The following PTPRD variants were observed in gnomAD, a reference collection of about 807,000 sequenced individuals.
PTPRD encodes the protein receptor-type tyrosine-protein phosphatase delta.
Under a neutral mutation model 214.5 loss-of-function variants are expected in PTPRD, and 34 were observed. That is an observed-to-expected ratio of 0.16 (90% CI 0.12 to 0.21). PTPRD has a LOEUF of 0.21. Ranked by LOEUF, PTPRD falls within the 10% of genes least tolerant of loss-of-function variation. The probability of loss-of-function intolerance (pLI) is 1.00; values close to 1 mark genes in which losing one functional copy is unlikely to be tolerated. For synonymous variants in PTPRD, 1,128 were observed against 845.7 expected, an observed-to-expected ratio of 1.33 and a Z score of -5.79; for missense variants, 2,545 against 2,398.7, an observed-to-expected ratio of 1.06 and a Z score of -1.27.
chr9:9,402,966 GAAAAAA>G (rs1555359331), intron 8 of PTPRD, among the ~76,000 whole-genome samples: 4 of 78,598 alleles, frequency 5.1e-5, no homozygotes, highest in Admixed American at 1.8e-4. Context: ...CTAATAGGGA[GAAAAAA>G]AAAAAAAAAA....
chr9:10,448,752 T>A (rs2045450181), intron 2 of PTPRD, among the ~76,000 whole-genome samples: 2 of 152,094 alleles, frequency 1.3e-5, no homozygotes, highest in African/African-American at 4.8e-5. Flanking sequence ...AGAGTCTTTA[T>A]CTGTTCTCCC....
At chr9:8,355,265 G>T (rs902654081) in intron 39 of PTPRD, among the ~76,000 whole-genome samples, 1 of 152,096 alleles carries the variant, frequency 6.6e-6, no homozygotes, top group Non-Finnish European at 1.5e-5. Context: ...ACTTCCTGGG[G>T]CCCTCAACAG....
chr9:8,790,466 G>T (rs1036129519), intron 11 of PTPRD, among the ~76,000 whole-genome samples: 1 of 152,010 alleles, frequency 6.6e-6, no homozygotes, highest in African/African-American at 2.4e-5. Context: ...TGCCCAGGCT[G>T]TAGTGCAGTG....
chr9:9,826,557 C>A (rs377659164), intron 5 of PTPRD, among the ~76,000 whole-genome samples: 1 of 151,808 alleles, frequency 6.6e-6, no homozygotes, highest in Non-Finnish European at 1.5e-5. Flanking sequence ...CCTCAAATAG[C>A]CATTATTGAT....
chr9:8,464,664 G>C (rs1427031775), intron 32 of PTPRD, among the ~76,000 whole-genome samples: 7 of 151,202 alleles, frequency 4.6e-5, no homozygotes, highest in South Asian at 2.1e-4. Flanking sequence ...AAATGTTCAT[G>C]TGTACTGCCA....
intron 9 of PTPRD, among the ~76,000 whole-genome samples, chr9:9,381,441 G>C (rs2062209070): frequency 6.8e-6 from 1 of 147,712 alleles, no homozygotes; most frequent in South Asian, 2.1e-4. Flanking sequence ...GCTCACTGCA[G>C]TCTTGACCTC....
intron 14 of PTPRD, among the ~76,000 whole-genome samples, chr9:8,630,165 G>GA (rs1281597212): frequency 2.0e-5 from 3 of 151,812 alleles, no homozygotes; most frequent in Non-Finnish European, 4.4e-5. Context: ...AAAGCAGGGA[G>GA]AAAGTAAATG....
At chr9:8,342,924 A>G (rs930131528) in intron 39 of PTPRD, among the ~76,000 whole-genome samples, 9 of 152,154 alleles carry the variant, frequency 5.9e-5, no homozygotes, top group African/African-American at 2.2e-4. Context: ...AGGAAGGATG[A>G]GGAATTAAAG....
At chr9:8,654,466 T>C (rs1258285015) in intron 12 of PTPRD, among the ~76,000 whole-genome samples, 4 of 152,176 alleles carry the variant, frequency 2.6e-5, no homozygotes, top group Non-Finnish European at 5.9e-5. Context: ...GATTTAAGCA[T>C]ATACCCTGTA....
At chr9:8,683,368 T>C (rs1189869835) in intron 12 of PTPRD, among the ~76,000 whole-genome samples, 2 of 147,774 alleles carry the variant, frequency 1.4e-5, no homozygotes, top group Non-Finnish European at 3.0e-5. Context: ...CTCTCTTTCA[T>C]GGAGACACTC....
intron 2 of PTPRD, among the ~76,000 whole-genome samples, chr9:10,407,982 T>C (rs551883149): frequency 8.4e-4 from 127 of 151,674 alleles, no homozygotes; most frequent in African/African-American, 2.9e-3. Context: ...TCTAATATGT[T>C]ACATGTAAGA....
chr9:9,861,350 GCGCC>G (rs1369270528), intron 5 of PTPRD, among the ~76,000 whole-genome samples: 22 of 152,006 alleles, frequency 1.4e-4, no homozygotes, highest in African/African-American at 5.3e-4. Context: ...GAGTGCATTG[GCGCC>G]ATCTCGGCTC....
At chr9:8,782,808 C>A (rs915459040) in intron 11 of PTPRD, among the ~76,000 whole-genome samples, 6 of 152,010 alleles carry the variant, frequency 3.9e-5, no homozygotes, top group Non-Finnish European at 5.9e-5. Flanking sequence ...GTTGGTCAGG[C>A]TGGTCTCGAA....
chr9:10,178,466 A>G (rs2099262256), intron 3 of PTPRD, among the ~76,000 whole-genome samples: 1 of 151,966 alleles, frequency 6.6e-6, no homozygotes, highest in Admixed American at 6.6e-5. Flanking sequence ...AATTTGTAGG[A>G]AAGGATAAAA....
At chr9:10,181,942 T>TAAAAAAAAAAAAAAAA (rs3075573) in intron 3 of PTPRD, among the ~76,000 whole-genome samples, 2 of 38,512 alleles carry the variant, frequency 5.2e-5, no homozygotes, top group Non-Finnish European at 1.1e-4. Flanking sequence ...TCATAAATAC[T>TAAAAAAAAAAAAAAAA]AAAAAAAAAA....
intron 12 of PTPRD, among the ~76,000 whole-genome samples, chr9:8,719,767 C>T (rs1229314885): frequency 6.6e-6 from 1 of 151,398 alleles, no homozygotes; most frequent in African/African-American, 2.4e-5. Flanking sequence ...GGTCAAAAGG[C>T]ATGCAAAATG....
intron 7 of PTPRD, among the ~76,000 whole-genome samples, chr9:9,585,193 A>G (rs2091714793): frequency 6.6e-6 from 1 of 152,030 alleles, no homozygotes; most frequent in Admixed American, 6.6e-5. Flanking sequence ...TGAATGTAAA[A>G]CTTCCCAGTT....
At chr9:10,611,228 C>T (rs1567203339) in intron 2 of PTPRD, among the ~76,000 whole-genome samples, 1 of 152,088 alleles carries the variant, frequency 6.6e-6, no homozygotes, top group Non-Finnish European at 1.5e-5. Flanking sequence ...AGTATAAGTA[C>T]TACCATGTCA....
chr9:10,144,225 G>A (rs906054180), intron 3 of PTPRD, among the ~76,000 whole-genome samples: 1 of 152,040 alleles, frequency 6.6e-6, no homozygotes, highest in African/African-American at 2.4e-5. Context: ...AATTAGATCA[G>A]TGCAGTCATT....
Sources: allele counts gnomAD v4.1 joint callset (sites outside exome capture counted in the v4.1 genomes callset), GRCh38; gene constraint gnomAD v4.1.1; transcripts MANE v1.5; gene names NCBI Gene and HGNC (gene_info 2026-07-23, HGNC 2026-07-21).